DNER: variants seen among roughly 807,000 people sequenced by gnomAD.
The protein encoded by DNER is delta and Notch-like epidermal growth factor-related receptor.
A neutral mutation model predicts 78.2 loss-of-function variants in DNER; 33 were observed. The observed-to-expected ratio is 0.42, with a 90% CI of 0.32 to 0.56. DNER has a LOEUF of 0.56. Among genes scored for constraint, DNER ranks in the 20% least tolerant of loss-of-function variants. The pLI is 0.11. For missense variants in DNER, 918 were observed against 975.3 expected (o/e 0.94, Z 0.78); for synonymous variants, 417 against 384.8 (o/e 1.08, Z -0.98).
At chr2:229,556,963 A>T (rs1029598131) in intron 4 of DNER, among the ~76,000 whole-genome samples, 1 of 152,196 alleles carries the variant, frequency 6.6e-6, no homozygotes, top group Non-Finnish European at 1.5e-5. Flanking sequence ...TCTCCCTTTG[A>T]TCACATCTAG....
At chr2:229,390,836 T>C (rs901246741) in intron 10 of DNER, among the ~76,000 whole-genome samples, 1 of 152,248 alleles carries the variant, frequency 6.6e-6, no homozygotes, top group Non-Finnish European at 1.5e-5. Flanking sequence ...CAGATACCTT[T>C]AGGTTTATTC....
At chr2:229,678,540 A>G (rs1008235833) in intron 1 of DNER, among the ~76,000 whole-genome samples, 1 of 152,246 alleles carries the variant, frequency 6.6e-6, no homozygotes, top group East Asian at 1.9e-4. Flanking sequence ...AGTATAGTCA[A>G]AAAGGTTTGG....
chr2:229,402,193 C>T (rs868005721), intron 10 of DNER, among the ~76,000 whole-genome samples: 1 of 151,924 alleles, frequency 6.6e-6, no homozygotes, highest in Non-Finnish European at 1.5e-5. Flanking sequence ...AAACTTTACT[C>T]CCCAAAAGAT....
At chr2:229,599,865 G>A (rs543652009) in intron 1 of DNER, among the ~76,000 whole-genome samples, 4 of 152,272 alleles carry the variant, frequency 2.6e-5, no homozygotes, top group South Asian at 2.1e-4. Context: ...CAAATAAAAT[G>A]TTATGTATTT....
intron 4 of DNER, among the ~76,000 whole-genome samples, chr2:229,557,736 G>GAA (rs755815311): frequency 1.5e-5 from 2 of 130,250 alleles, no homozygotes; most frequent in Admixed American, 1.5e-4. Flanking sequence ...GGAGACAAAA[G>GAA]AAAAAAAAAA....
At chr2:229,479,992 T>C (rs1217255249) in intron 6 of DNER, among the ~76,000 whole-genome samples, 4 of 152,174 alleles carry the variant, frequency 2.6e-5, no homozygotes, top group Admixed American at 2.0e-4. Context: ...GACCACAGAA[T>C]GACACAAAAC....
intron 6 of DNER, among the ~76,000 whole-genome samples, chr2:229,499,067 T>C (rs1695559059): frequency 1.3e-5 from 2 of 152,146 alleles, no homozygotes; most frequent in African/African-American, 4.8e-5. Flanking sequence ...AACAGATGCA[T>C]ACTAATGGAA....
At chr2:229,645,573 C>T (rs10196161) in intron 1 of DNER, among the ~76,000 whole-genome samples, 148,038 of 152,298 alleles carry the variant, frequency 0.97, 72,003 homozygotes, top group Middle Eastern at 0.99. Flanking sequence ...AAATGTAGGA[C>T]GACTGTAATT....
At chr2:229,369,569 G>A (rs1280747441) in intron 11 of DNER, among the ~76,000 whole-genome samples, 1 of 152,132 alleles carries the variant, frequency 6.6e-6, no homozygotes, top group Non-Finnish European at 1.5e-5. Context: ...ACCAGCTGTG[G>A]TGGTGGAGGA....
chr2:229,466,250 C>T (rs1304054162), intron 7 of DNER, among the ~76,000 whole-genome samples: 1 of 152,120 alleles, frequency 6.6e-6, no homozygotes, highest in African/African-American at 2.4e-5. Context: ...TCTCTCTAGC[C>T]TTCTGTCTTC....
intron 1 of DNER, among the ~76,000 whole-genome samples, chr2:229,631,025 T>C (rs1020176164): frequency 2.0e-5 from 3 of 152,220 alleles, no homozygotes; most frequent in African/African-American, 7.2e-5. Context: ...ATATTTTCTT[T>C]ATCCAATCCA....
chr2:229,705,017 C>T (rs1699805375), intron 1 of DNER, among the ~76,000 whole-genome samples: 1 of 152,166 alleles, frequency 6.6e-6, no homozygotes, highest in South Asian at 2.1e-4. Context: ...AGGTTTTGCT[C>T]CAAATGACAT....
intron 1 of DNER, among the ~76,000 whole-genome samples, chr2:229,605,129 T>G (rs184266227): frequency 3.8e-4 from 57 of 151,426 alleles, no homozygotes; most frequent in Non-Finnish European, 7.5e-4. Context: ...AAGAAAAAAA[T>G]AATAACAGAA....
At position 229,596,117 on chromosome 2, in the gene DNER, T is replaced by G. The variant is rs75262609; in HGVS notation, c.277-4229A>C. 6.1e-3 allele frequency among the ~76,000 whole-genome samples: 933 copies of G among 152,356 alleles called. 5 individuals are homozygous for G. Among genetic ancestry groups the G allele is most frequent in the Non-Finnish European group, 8.0e-3 (546 of 68,036 alleles). On this transcript the variant is annotated intron_variant, in intron 1 of 12. Transcript: ENST00000341772. ...TTCTGTTTTCCGTTTAATTTACTTG[T>G]GTATCCACAGCCCTAGAACAGTGCC...
chr2:229,634,764 C>T (rs993853261), intron 1 of DNER, among the ~76,000 whole-genome samples: 1 of 152,142 alleles, frequency 6.6e-6, no homozygotes, highest in African/African-American at 2.4e-5. Flanking sequence ...ATCACCATGG[C>T]AACCTGGCTC....
chr2:229,542,898 A>G (rs1279000763), intron 5 of DNER, among the ~76,000 whole-genome samples: 2 of 152,144 alleles, frequency 1.3e-5, no homozygotes, highest in East Asian at 3.9e-4. Context: ...TTAGAATGAA[A>G]TGGACGTGGT....
chr2:229,685,283 AAAT>A (rs1699464788), intron 1 of DNER, among the ~76,000 whole-genome samples: 2 of 152,268 alleles, frequency 1.3e-5, no homozygotes, highest in African/African-American at 4.8e-5. Context: ...GCAAATGAAT[AAAT>A]ACTTCACAGG....
chr2:229,645,481 T>C (rs1698701596), intron 1 of DNER, among the ~76,000 whole-genome samples: 1 of 152,166 alleles, frequency 6.6e-6, no homozygotes, highest in Non-Finnish European at 1.5e-5. Context: ...GCCCTAGAAA[T>C]AGGCCATGCA....
At chr2:229,518,932 G>A (rs527543083) in intron 5 of DNER, among the ~76,000 whole-genome samples, 1 of 150,838 alleles carries the variant, frequency 6.6e-6, no homozygotes, top group African/African-American at 2.4e-5. Context: ...TCTCAAGAAC[G>A]ATGCAAATCA....
Sources: gnomAD v4.1 joint callset for allele counts (sites outside exome capture counted in the v4.1 genomes callset) on GRCh38, gnomAD v4.1.1 for gene constraint, MANE v1.5 for transcripts, NCBI Gene and HGNC (gene_info 2026-07-23, HGNC 2026-07-21) for gene names.